Variants in KCNH1 observed in about 807,000 individuals in gnomAD.
KCNH1 encodes the protein voltage-gated delayed rectifier potassium channel KCNH1.
KCNH1 carries 27 observed loss-of-function variants against 69.2 expected under a neutral mutation model. That is an observed-to-expected ratio of 0.39 (90% CI 0.29 to 0.54). The LOEUF is 0.54. Ranked by LOEUF, KCNH1 falls within the 20% of genes least tolerant of loss-of-function variation. The pLI is 0.68. For missense variants in KCNH1, 798 were observed against 1,261.6 expected, an observed-to-expected ratio of 0.63 and a Z score of 5.57; for synonymous variants, 456 against 487.7, an observed-to-expected ratio of 0.93 and a Z score of 0.86.
At chr1:211,057,667 C>T (rs930325917) in intron 5 of KCNH1, among the ~76,000 whole-genome samples, 1 of 149,338 alleles carries the variant, frequency 6.7e-6, no homozygotes, top group African/African-American at 2.5e-5. Flanking sequence ...AAGAAGAAAA[C>T]AGAAAACAAA....
At chr1:210,878,382 G>C (rs1686426004) in intron 7 of KCNH1, among the ~76,000 whole-genome samples, 1 of 151,788 alleles carries the variant, frequency 6.6e-6, no homozygotes, top group Non-Finnish European at 1.5e-5. Context: ...CACCAAGATA[G>C]AACACATTCT....
intron 6 of KCNH1, among the ~76,000 whole-genome samples, chr1:210,930,101 G>A (rs1250509091): frequency 4.6e-5 from 7 of 151,922 alleles, no homozygotes; most frequent in African/African-American, 7.3e-5. Context: ...AAATGACCAC[G>A]CTGTCAAAAA....
At chr1:210,715,749 G>A (rs879720800) in intron 10 of KCNH1, among the ~76,000 whole-genome samples, 5 of 152,112 alleles carry the variant, frequency 3.3e-5, no homozygotes, top group East Asian at 1.9e-4. Flanking sequence ...ACAAACCCAC[G>A]TGTGACCTTC....
intron 6 of KCNH1, among the ~76,000 whole-genome samples, chr1:210,925,218 C>G (rs1473349549): frequency 6.6e-6 from 1 of 152,212 alleles, no homozygotes; most frequent in Non-Finnish European, 1.5e-5. Flanking sequence ...TAAAGAAACT[C>G]AGTGAGGATT....
At chr1:211,120,279 T>G (rs1425146313) in intron 1 of KCNH1, among the ~76,000 whole-genome samples, 1 of 151,826 alleles carries the variant, frequency 6.6e-6, no homozygotes, top group Non-Finnish European at 1.5e-5. Flanking sequence ...AACCTCTGTC[T>G]CCTGGGTTCA....
intron 6 of KCNH1, among the ~76,000 whole-genome samples, chr1:210,977,457 C>A (rs1206246717): frequency 5.3e-5 from 8 of 151,730 alleles, no homozygotes; most frequent in South Asian, 2.1e-4. Context: ...AAAAAAAAAA[C>A]CGTACACCTT....
intron 6 of KCNH1, among the ~76,000 whole-genome samples, chr1:210,971,467 CAAATT>C (rs1688510173): frequency 6.6e-6 from 1 of 152,088 alleles, no homozygotes; most frequent in South Asian, 2.1e-4. Flanking sequence ...AACTTAAAAT[CAAATT>C]AGTTACATCA....
chr1:210,688,722 C>G (rs1349839733), intron 10 of KCNH1, among the ~76,000 whole-genome samples: 1 of 152,110 alleles, frequency 6.6e-6, no homozygotes, highest in East Asian at 1.9e-4. Flanking sequence ...TAAAAGTACC[C>G]CTGAGATAAA....
At chr1:210,801,132 T>C (rs1684418180) in intron 8 of KCNH1, among the ~76,000 whole-genome samples, 1 of 152,212 alleles carries the variant, frequency 6.6e-6, no homozygotes, top group South Asian at 2.1e-4. Context: ...CAGAAGGTCA[T>C]AGCCAAAAGG....
chr1:210,894,560 C>T (rs1279965080), intron 7 of KCNH1, among the ~76,000 whole-genome samples: 3 of 152,108 alleles, frequency 2.0e-5, no homozygotes, highest in Non-Finnish European at 2.9e-5. Context: ...TTGTGCAGCC[C>T]TCTCCTATTT....
In KCNH1 at chr1:210,683,642, C is replaced by T. The variant is rs762380140; in HGVS notation, c.2609G>A (p.Gly870Asp). The change falls in exon 11 of 11, where the codon GGC (glycine) becomes GAC (aspartate). Residue 870 changes from glycine to aspartate, a missense_variant. Coordinates refer to ENST00000271751, the MANE Select transcript of KCNH1 (RefSeq NM_172362.3). The surrounding 1 kb of genome is among the most constrained non-coding windows in gnomAD (Gnocchi z 5.7). ...GTCTGTCTTCTTCAGTGTGGCCTCGCCTGACGCTTTTGTCCTCTCGGGAAG... is the reference window on the plus strand; with the variant it reads ...GTCTGTCTTCTTCAGTGTGGCCTCGTCTGACGCTTTTGTCCTCTCGGGAAG... ...ETLPERTKASGEATLKKTDSC... is the reference protein window; with the variant it reads ...ETLPERTKASDEATLKKTDSC... The T allele has an allele frequency of 6.2e-7, 1 of 1,614,084 alleles. No individual in the cohort carries two copies. Among genetic ancestry groups the T allele is most frequent in the Non-Finnish European group, 8.5e-7 (1 of 1,180,046 alleles).
At chr1:210,710,424 CAGAA>C (rs771244155) in intron 10 of KCNH1, among the ~76,000 whole-genome samples, 17 of 151,720 alleles carry the variant, frequency 1.1e-4, no homozygotes, top group East Asian at 3.9e-4. Context: ...GAAAGAGAGA[CAGAA>C]AGAGAGAGAT....
intron 6 of KCNH1, among the ~76,000 whole-genome samples, chr1:210,954,763 G>T (rs1256224937): frequency 6.6e-6 from 1 of 151,914 alleles, no homozygotes; most frequent in East Asian, 1.9e-4. Context: ...TTTTTTTCTT[G>T]TAACTTTGTT....
chr1:210,707,249 G>A (rs1363055451), intron 10 of KCNH1, among the ~76,000 whole-genome samples: 2 of 152,098 alleles, frequency 1.3e-5, no homozygotes, highest in African/African-American at 2.4e-5. Context: ...CCCCTACCCT[G>A]GGAATGCACC....
intron 3 of KCNH1, among the ~76,000 whole-genome samples, chr1:211,098,273 A>T (rs1447900090): frequency 6.6e-6 from 1 of 151,078 alleles, no homozygotes; most frequent in East Asian, 1.9e-4. Context: ...GTGAGCTGAG[A>T]TCGCGCCACT....
intron 6 of KCNH1, among the ~76,000 whole-genome samples, chr1:210,970,716 G>T (rs1226596960): frequency 6.6e-6 from 1 of 152,100 alleles, no homozygotes; most frequent in Non-Finnish European, 1.5e-5. Flanking sequence ...TACCATTCAG[G>T]ACGTAAGGGT....
At chr1:211,053,093 T>C (rs1464962935) in intron 5 of KCNH1, among the ~76,000 whole-genome samples, 4 of 152,236 alleles carry the variant, frequency 2.6e-5, no homozygotes, top group Non-Finnish European at 5.9e-5. Flanking sequence ...GCATTGCTAA[T>C]GGTGAGGGAA....
At chr1:211,107,104 G>C (rs532841433) in intron 2 of KCNH1, 150 bp downstream of exon 2, 171 of 808,410 alleles carry the variant, frequency 2.1e-4, no homozygotes, top group Middle Eastern at 3.2e-4. Context: ...TCCCTGTACA[G>C]TACATGAACT....
At chr1:210,881,946 T>C (rs1283014547) in intron 7 of KCNH1, among the ~76,000 whole-genome samples, 3 of 152,186 alleles carry the variant, frequency 2.0e-5, no homozygotes, top group Non-Finnish European at 2.9e-5. Context: ...GATCCTGTAA[T>C]AGTGAATATG....
Sources: gnomAD v4.1 joint callset for allele counts (sites outside exome capture counted in the v4.1 genomes callset) on GRCh38, gnomAD v4.1.1 for gene constraint, Gnocchi (gnomAD v3.1) non-coding constraint, MANE v1.5 for transcripts, NCBI Gene and HGNC (gene_info 2026-07-23, HGNC 2026-07-21) for gene names.